Variants in CDH13 observed in about 807,000 individuals in gnomAD.
CDH13 encodes the protein cadherin 13, also known as cadherin-13.
A neutral mutation model predicts 63.8 loss-of-function variants in CDH13; 24 were observed. The ratio of observed to expected loss-of-function variants is 0.38; its 90% CI spans 0.27 to 0.53. The LOEUF (loss-of-function observed/expected upper bound fraction) is 0.53. Ranked by LOEUF, CDH13 falls within the 20% of genes least tolerant of loss-of-function variation. The probability of loss-of-function intolerance (pLI) is 0.85; values close to 1 mark genes in which losing one functional copy is unlikely to be tolerated. For synonymous variants in CDH13, 503 were observed against 355.3 expected, an observed-to-expected ratio of 1.42 and a Z score of -4.67; for missense variants, 1,049 against 903.1, an observed-to-expected ratio of 1.16 and a Z score of -2.07.
intron 10 of CDH13, among the ~76,000 whole-genome samples, chr16:83,682,525 C>T (rs1024928862): frequency 1.4e-4 from 21 of 152,176 alleles, no homozygotes; most frequent in Non-Finnish European, 1.3e-4. Context: ...CTGAAGACAG[C>T]TTTGCTTGAA....
intron 2 of CDH13, among the ~76,000 whole-genome samples, chr16:82,925,509 A>G (rs1266368873): frequency 6.6e-6 from 1 of 152,218 alleles, no homozygotes; most frequent in Non-Finnish European, 1.5e-5. Context: ...CTTTTTGGCT[A>G]GAACAGGTCA....
rs570629762 is a variant in CDH13, at chr16:83,701,396, G to C, written c.1538+22935G>C. ...TATGTTTCCTTCATCATTTCATTCG[G>C]TCCACACGTATCCATGCGGTGCACT... On this transcript the variant is annotated intron_variant, in intron 10 of 13. Transcript: ENST00000567109. Among the ~76,000 whole-genome samples, 6 of 152,150 alleles carry C rather than the reference G, an allele frequency of 3.9e-5. No individual in the cohort carries two copies. In the East Asian group the frequency reaches 1.2e-3, roughly 29 times the overall value.
chr16:83,514,616 G>C (rs937777700), intron 7 of CDH13, among the ~76,000 whole-genome samples: 4 of 152,172 alleles, frequency 2.6e-5, no homozygotes, highest in Non-Finnish European at 5.9e-5. Flanking sequence ...CTGCACTCCG[G>C]CCTGGGCAAC....
At chr16:83,342,169 A>C (rs1234555520) in intron 5 of CDH13, among the ~76,000 whole-genome samples, 1 of 152,164 alleles carries the variant, frequency 6.6e-6, no homozygotes, top group Non-Finnish European at 1.5e-5. Flanking sequence ...TTTTCATTTT[A>C]ATAAATGTAA....
At chr16:83,706,228 G>A (rs147829050) in intron 10 of CDH13, among the ~76,000 whole-genome samples, 1 of 152,300 alleles carries the variant, frequency 6.6e-6, no homozygotes, top group African/African-American at 2.4e-5. Flanking sequence ...CTCACAACAT[G>A]GCGGCCAGGT....
At chr16:82,921,997 T>C (rs1186012613) in intron 2 of CDH13, among the ~76,000 whole-genome samples, 1 of 152,200 alleles carries the variant, frequency 6.6e-6, no homozygotes, top group Non-Finnish European at 1.5e-5. Context: ...TTTGGTAATT[T>C]GTGTCATTCT....
At chr16:83,240,714 A>C (rs1904346338) in intron 5 of CDH13, among the ~76,000 whole-genome samples, 1 of 85,556 alleles carries the variant, frequency 1.2e-5, no homozygotes, top group Non-Finnish European at 2.3e-5. Flanking sequence ...TTACTGTCTT[A>C]ATCTTTTTTT....
chr16:83,623,859 G>A (rs1191196040), intron 8 of CDH13, among the ~76,000 whole-genome samples: 3 of 152,178 alleles, frequency 2.0e-5, no homozygotes, highest in Admixed American at 1.3e-4. Flanking sequence ...ATCAGTTAGC[G>A]GAAGCCTAAG....
intron 5 of CDH13, among the ~76,000 whole-genome samples, chr16:83,223,654 C>G (rs1355762505): frequency 6.6e-6 from 1 of 152,236 alleles, no homozygotes. Context: ...CCGCCACTCA[C>G]TTCCATCCAG....
intron 10 of CDH13, among the ~76,000 whole-genome samples, chr16:83,698,272 A>T (rs1905686439): frequency 6.6e-6 from 1 of 152,270 alleles, no homozygotes; most frequent in African/African-American, 2.4e-5. Context: ...ACTGACTTTA[A>T]TATAAAGAGT....
At chr16:83,357,270 C>A (rs1265101534) in intron 6 of CDH13, among the ~76,000 whole-genome samples, 1 of 152,110 alleles carries the variant, frequency 6.6e-6, no homozygotes, top group Non-Finnish European at 1.5e-5. Context: ...TGCTTGTTGG[C>A]TCACACTAAA....
chr16:83,150,637 A>T (rs961325573), intron 4 of CDH13, among the ~76,000 whole-genome samples: 1 of 152,130 alleles, frequency 6.6e-6, no homozygotes, highest in Non-Finnish European at 1.5e-5. Context: ...GTCCTTATAG[A>T]GCGTTTTTTA....
At chr16:83,734,708 T>A (rs1483518007) in intron 10 of CDH13, among the ~76,000 whole-genome samples, 1 of 120,968 alleles carries the variant, frequency 8.3e-6, no homozygotes, top group Non-Finnish European at 1.9e-5. Context: ...ATTGTGCACA[T>A]GTACCTTAAA....
intron 5 of CDH13, among the ~76,000 whole-genome samples, chr16:83,335,793 G>C (rs2090581008): frequency 6.6e-6 from 1 of 152,066 alleles, no homozygotes; most frequent in South Asian, 2.1e-4. Context: ...CGTACCCCCT[G>C]CTTGCTCAAT....
intron 6 of CDH13, chr16:83,383,103 T>C (rs1045384519): frequency 6.6e-6 from 1 of 152,310 alleles, no homozygotes; most frequent in Non-Finnish European, 1.5e-5. Flanking sequence ...ACTTTCATCG[T>C]CCCAACAGTT....
At chr16:82,730,240 G>C (rs777756063) in intron 1 of CDH13, among the ~76,000 whole-genome samples, 4 of 152,172 alleles carry the variant, frequency 2.6e-5, no homozygotes, top group Non-Finnish European at 2.9e-5. Context: ...GGCCGGTCTT[G>C]GCTTTCAACA....
chr16:83,184,418 A>C (rs938976558), intron 4 of CDH13, among the ~76,000 whole-genome samples: 1 of 152,134 alleles, frequency 6.6e-6, no homozygotes, highest in Non-Finnish European at 1.5e-5. Context: ...CCTCAGGACT[A>C]CCAGAGAAGA....
chr16:83,684,691 T>A (rs1567514477), intron 10 of CDH13, among the ~76,000 whole-genome samples: 1 of 152,240 alleles, frequency 6.6e-6, no homozygotes, highest in Admixed American at 6.5e-5. Context: ...ATAGAAGATA[T>A]GTGTTGAAGA....
At chr16:83,082,745 G>C (rs927859328) in intron 3 of CDH13, among the ~76,000 whole-genome samples, 1 of 152,218 alleles carries the variant, frequency 6.6e-6, no homozygotes, top group African/African-American at 2.4e-5. Flanking sequence ...TTAGGCTGTA[G>C]AAGTAAGTAC....
Sources: gnomAD v4.1 joint callset for allele counts (sites outside exome capture counted in the v4.1 genomes callset) on GRCh38, gnomAD v4.1.1 for gene constraint, MANE v1.5 for transcripts, NCBI Gene and HGNC (gene_info 2026-07-23, HGNC 2026-07-21) for gene names.